FAT3: variants seen among roughly 807,000 people sequenced by gnomAD.
FAT3 encodes the protein FAT atypical cadherin 3.
A neutral mutation model predicts 310.2 loss-of-function variants in FAT3; 95 were observed. The observed-to-expected ratio is 0.31, with a 90% CI of 0.26 to 0.36. The LOEUF (loss-of-function observed/expected upper bound fraction) is 0.36. Ranked by LOEUF, FAT3 falls within the 10% of genes least tolerant of loss-of-function variation. The probability of loss-of-function intolerance (pLI) is 1.00; values close to 1 mark genes in which losing one functional copy is unlikely to be tolerated. For synonymous variants in FAT3, 2,314 were observed against 2,192.9 expected (o/e 1.06, Z -1.54); for missense variants, 5,408 against 5,715.6 (o/e 0.95, Z 1.74).
intron 2 of FAT3, among the ~76,000 whole-genome samples, chr11:92,424,438 CT>C (rs1179992887): frequency 1.3e-5 from 2 of 152,060 alleles, no homozygotes; most frequent in East Asian, 3.9e-4. Context: ...ACAACAATAA[CT>C]TTATAATTAC....
chr11:92,685,801 T>C (rs1261709596), intron 3 of FAT3, among the ~76,000 whole-genome samples: 1 of 152,022 alleles, frequency 6.6e-6, no homozygotes, highest in Admixed American at 6.6e-5. Flanking sequence ...GAAAAAAACA[T>C]GTAAACAGAA....
intron 2 of FAT3, among the ~76,000 whole-genome samples, chr11:92,418,428 A>T (rs543899037): frequency 1.6e-5 from 1 of 62,330 alleles, no homozygotes; most frequent in African/African-American, 7.7e-5. Context: ...CACCCCCCCC[A>T]CCCCCCCACA....
intron 2 of FAT3, among the ~76,000 whole-genome samples, chr11:92,519,445 G>A (rs620089): frequency 0.48 from 72,414 of 151,804 alleles, 17,517 homozygotes; most frequent in Middle Eastern, 0.58. Flanking sequence ...GAAAACACAG[G>A]ACAAAATTTT....
At chr11:92,864,996 C>T (rs1949202855) in intron 21 of FAT3, among the ~76,000 whole-genome samples, 2 of 152,202 alleles carry the variant, frequency 1.3e-5, no homozygotes, top group African/African-American at 2.4e-5. Context: ...TAAGCCATAG[C>T]AGTTCTCTCT....
chr11:92,236,403 A>G (rs1231892803), intron 1 of FAT3, among the ~76,000 whole-genome samples: 1 of 151,938 alleles, frequency 6.6e-6, no homozygotes, highest in Non-Finnish European at 1.5e-5. Context: ...TTTTTGTTCA[A>G]TTACACTGCA....
chr11:92,379,625 C>A (rs1231593727), intron 2 of FAT3, among the ~76,000 whole-genome samples: 3 of 152,156 alleles, frequency 2.0e-5, no homozygotes, highest in Admixed American at 6.5e-5. Context: ...CTCTTATGAA[C>A]AAGTGAGACC....
intron 3 of FAT3, among the ~76,000 whole-genome samples, chr11:92,687,155 G>T (rs1247525477): frequency 6.6e-6 from 1 of 152,126 alleles, no homozygotes; most frequent in Non-Finnish European, 1.5e-5. Flanking sequence ...GCTTTTTGTA[G>T]ATACTGTGCC....
chr11:92,668,775 A>T (rs1943037200), intron 3 of FAT3, among the ~76,000 whole-genome samples: 1 of 152,228 alleles, frequency 6.6e-6, no homozygotes, highest in African/African-American at 2.4e-5. Context: ...TCGATCTCTT[A>T]TATGTAAAAT....
At chr11:92,531,172 G>T (rs761813912) in intron 3 of FAT3, among the ~76,000 whole-genome samples, 4 of 152,190 alleles carry the variant, frequency 2.6e-5, no homozygotes, top group Non-Finnish European at 4.4e-5. Context: ...CATGAAAGGA[G>T]CCCTTGTCCT....
chr11:92,600,882 A>G (rs2135587439), intron 3 of FAT3, among the ~76,000 whole-genome samples: 1 of 152,268 alleles, frequency 6.6e-6, no homozygotes, highest in East Asian at 1.9e-4. Flanking sequence ...TAAAGGTAAG[A>G]TTTCAGTTGA....
chr11:92,687,282 C>T (rs1439326552), intron 3 of FAT3, among the ~76,000 whole-genome samples: 2 of 152,084 alleles, frequency 1.3e-5, no homozygotes, highest in African/African-American at 2.4e-5. Flanking sequence ...GACAAGACTG[C>T]GATCAGAGAA....
intron 17 of FAT3, among the ~76,000 whole-genome samples, chr11:92,840,266 C>T (rs1049933862): frequency 2.0e-5 from 3 of 152,174 alleles, no homozygotes; most frequent in African/African-American, 7.2e-5. Context: ...GCACCATGCT[C>T]GGAACCTGTA....
chr11:92,229,490 G>GTTTTTTTTTTTTTTTTTTTTTTTTT lies in FAT3; in HGVS notation c.-18+4317_-18+4318insTTTTTTTTTTTTTTTTTTTTTTTTT. Reference sequence around the variant, plus strand: ...CCTTGTTTTCTTTTTTTGTTTTTTCGTGTTTTTTTTTTTTTTGTTTTTTGT... The same window carrying GTTTTTTTTTTTTTTTTTTTTTTTTT: ...CCTTGTTTTCTTTTTTTGTTTTTTCGTTTTTTTTTTTTTTTTTTTTTTTTTTGTTTTTTTTTTTTTTGTTTTTTGT... On this transcript the variant is annotated intron_variant, in intron 1 of 27. Transcript: ENST00000525166. 5.3e-4 allele frequency among the ~76,000 whole-genome samples: 25 copies of GTTTTTTTTTTTTTTTTTTTTTTTTT among 46,842 alleles called. 6 individuals carry two copies. The highest frequency in any genetic ancestry group is 8.3e-4 in the South Asian group (1 of 1,202). 30.7% of individuals were successfully genotyped at this position (46,842 alleles called of 152,430 possible). A position where few individuals can be genotyped will look rare whatever the true frequency, so the allele number is the denominator to read the frequency against.
At chr11:92,573,153 C>T (rs1208855854) in intron 3 of FAT3, among the ~76,000 whole-genome samples, 2 of 152,070 alleles carry the variant, frequency 1.3e-5, no homozygotes, top group East Asian at 1.9e-4. Flanking sequence ...AGAAAGGATG[C>T]CCATTTCTCA....
chr11:92,234,902 CAA>C (rs35407952), intron 1 of FAT3, among the ~76,000 whole-genome samples: 1,146 of 99,644 alleles, frequency 0.012, 12 homozygotes, highest in African/African-American at 0.037. Flanking sequence ...GACTCCGTCT[CAA>C]AAAAAAAAAA....
At chr11:92,697,049 T>C (rs1943964033) in intron 3 of FAT3, among the ~76,000 whole-genome samples, 1 of 152,208 alleles carries the variant, frequency 6.6e-6, no homozygotes, top group Non-Finnish European at 1.5e-5. Flanking sequence ...AAATCTTTAA[T>C]GAGGTTTCTA....
chr11:92,793,077 C>A, intron 9 of FAT3, 100 bp downstream of exon 9: 2 of 1,283,992 alleles, frequency 1.6e-6, no homozygotes, highest in South Asian at 1.4e-5. Context: ...AACAGTGGAA[C>A]ATCTCTAAAT....
chr11:92,397,349 T>C (rs1158584475), intron 2 of FAT3, among the ~76,000 whole-genome samples: 1 of 152,174 alleles, frequency 6.6e-6, no homozygotes, highest in Non-Finnish European at 1.5e-5. Context: ...ATTAGTTTAA[T>C]TGTGTCAGAA....
intron 3 of FAT3, among the ~76,000 whole-genome samples, chr11:92,528,461 A>ACGGCAAG (rs1238231805): frequency 1.3e-4 from 20 of 152,110 alleles, no homozygotes; most frequent in Non-Finnish European, 2.2e-4. Flanking sequence ...ATCTCGGCTC[A>ACGGCAAG]CTGCAAGCTC....
Sources: gnomAD v4.1 joint callset for allele counts (sites outside exome capture counted in the v4.1 genomes callset) on GRCh38, gnomAD v4.1.1 for gene constraint, MANE v1.5 for transcripts, NCBI Gene and HGNC (gene_info 2026-07-23, HGNC 2026-07-21) for gene names.